The following CNTLN variants were observed in gnomAD, a reference collection of about 807,000 sequenced individuals.
CNTLN encodes centlein.
Under a neutral mutation model 180.0 loss-of-function variants are expected in CNTLN, and 212 were observed. The observed-to-expected ratio is 1.18, with a 90% CI of 1.05 to 1.32. The LOEUF is 1.32. Ranked by LOEUF, CNTLN falls within the 40% of genes most tolerant of loss-of-function variation. The pLI, the probability that CNTLN is intolerant of heterozygous loss-of-function variation, is 0.00. For missense variants in CNTLN, 2,095 were observed against 1,610.9 expected (o/e 1.30, Z -5.14); for synonymous variants, 722 against 563.1 (o/e 1.28, Z -3.99).
intron 23 of CNTLN, among the ~76,000 whole-genome samples, chr9:17,472,465 C>T (rs1832086742): frequency 6.6e-6 from 1 of 152,154 alleles, no homozygotes; most frequent in African/African-American, 2.4e-5. Flanking sequence ...TCCATGTAAG[C>T]CATCCAATCC....
intron 23 of CNTLN, among the ~76,000 whole-genome samples, chr9:17,481,807 AACCAGTGGCCCC>A (rs1183815964): frequency 6.6e-6 from 1 of 152,176 alleles, no homozygotes; most frequent in East Asian, 1.9e-4. Context: ...TGCAGAGCCC[AACCAGTGGCCCC>A]ACCTGACCTT....
chr9:17,401,897 C>A (rs527584534), intron 15 of CNTLN, among the ~76,000 whole-genome samples: 11 of 132,934 alleles, frequency 8.3e-5, no homozygotes, highest in Non-Finnish European at 3.3e-5. Context: ...AAGGTATTTA[C>A]AACACATAAA....
chr9:17,322,608 T>G (rs1333275512), intron 8 of CNTLN, among the ~76,000 whole-genome samples: 1 of 151,862 alleles, frequency 6.6e-6, no homozygotes, highest in Non-Finnish European at 1.5e-5. Context: ...TTAAGAATGT[T>G]TAGTGATTTT....
chr9:17,361,094 G>A (rs1048042927), intron 12 of CNTLN, among the ~76,000 whole-genome samples: 10 of 151,732 alleles, frequency 6.6e-5, no homozygotes, highest in Admixed American at 2.0e-4. Context: ...AAGTTTTAGG[G>A]TACATGTGCA....
chr9:17,379,656 G>C (rs1213233053), intron 13 of CNTLN, among the ~76,000 whole-genome samples: 3 of 151,932 alleles, frequency 2.0e-5, no homozygotes, highest in Non-Finnish European at 4.4e-5. Context: ...CATATAGAAG[G>C]GAAAATCTGC....
intron 19 of CNTLN, among the ~76,000 whole-genome samples, chr9:17,461,101 G>A (rs1371033896): frequency 6.6e-6 from 1 of 151,290 alleles, no homozygotes; most frequent in Non-Finnish European, 1.5e-5. Context: ...AGTCCCTAAA[G>A]CCATCACTAT....
chr9:17,169,593 G>T (rs113043206), intron 2 of CNTLN, among the ~76,000 whole-genome samples: 314 of 151,828 alleles, frequency 2.1e-3, no homozygotes, highest in African/African-American at 7.2e-3. Context: ...ATAAGATAAG[G>T]GTCCAATTTT....
intron 14 of CNTLN, among the ~76,000 whole-genome samples, chr9:17,390,957 C>G (rs572145705): frequency 2.0e-5 from 3 of 152,122 alleles, no homozygotes; most frequent in Non-Finnish European, 4.4e-5. Context: ...CATCTTTCCT[C>G]ACCTATCATA....
chr9:17,226,226 A>T lies in CNTLN; in HGVS notation c.473A>T (p.Lys158Ile), dbSNP rs765461327. 1 of 1,579,834 alleles carries T rather than the reference A, an allele frequency of 6.3e-7. No homozygotes were observed. Among genetic ancestry groups the T allele is most frequent in the Admixed American group, 1.8e-5 (1 of 56,002 alleles). ...AGAGAAAAACAGAAATCTGAAGCTA[A>T]AGACAGAAAAGTTCTAGAAATTCTG... is the stretch of plus-strand genomic sequence containing the variant. Reference protein sequence around the residue: ...VEREKQKSEAKDRKVLEILQV... With the variant: ...VEREKQKSEAIDRKVLEILQV... The change falls in exon 3 of 26, where the codon AAA becomes ATA. Residue 158 changes from lysine to isoleucine, a missense_variant. Lys to Ile is a moderately radical substitution (Grantham distance 102). Transcript: ENST00000380647.
intron 3 of CNTLN, among the ~76,000 whole-genome samples, chr9:17,234,816 T>C (rs1393173083): frequency 6.6e-6 from 1 of 152,168 alleles, no homozygotes; most frequent in Non-Finnish European, 1.5e-5. Context: ...GTTGAAAGAA[T>C]GGATGGATTG....
At chr9:17,372,027 A>G (rs1564040726) in intron 13 of CNTLN, among the ~76,000 whole-genome samples, 1 of 152,170 alleles carries the variant, frequency 6.6e-6, no homozygotes. Context: ...AAAATTTCAA[A>G]TAACTTAACG....
chr9:17,477,913 A>G (rs1183020415), intron 23 of CNTLN, among the ~76,000 whole-genome samples: 1 of 152,226 alleles, frequency 6.6e-6, no homozygotes, highest in Non-Finnish European at 1.5e-5. Context: ...GAACAGCATC[A>G]CATGCTATAG....
the CNTLN span, among the ~76,000 whole-genome samples, chr9:17,519,809 T>C: frequency 6.6e-6 from 1 of 152,252 alleles, no homozygotes. Flanking sequence ...ACAAGAAGTC[T>C]GCTAGCCAAT....
chr9:17,410,678 A>AT (rs2133850627), intron 16 of CNTLN, among the ~76,000 whole-genome samples: 1 of 151,414 alleles, frequency 6.6e-6, no homozygotes, highest in Admixed American at 6.6e-5. Context: ...GATTTCCTAT[A>AT]TTTTTCTGTT....
intron 18 of CNTLN, among the ~76,000 whole-genome samples, chr9:17,428,263 A>T (rs1286166767): frequency 6.6e-6 from 1 of 152,072 alleles, no homozygotes; most frequent in Non-Finnish European, 1.5e-5. Flanking sequence ...GATAATAAAT[A>T]TTAATGGGGA....
intron 8 of CNTLN, among the ~76,000 whole-genome samples, chr9:17,321,903 T>C (rs1819940085): frequency 6.6e-6 from 1 of 152,180 alleles, no homozygotes; most frequent in Non-Finnish European, 1.5e-5. Flanking sequence ...TATCTTACTG[T>C]ACAGGATCAA....
chr9:17,290,888 A>G (rs1331413848), intron 6 of CNTLN, among the ~76,000 whole-genome samples: 3 of 152,158 alleles, frequency 2.0e-5, no homozygotes, highest in Non-Finnish European at 1.5e-5. Flanking sequence ...GCGTGCACCC[A>G]CTGGCCTGCG....
At chr9:17,175,127 C>T (rs948252020) in intron 2 of CNTLN, among the ~76,000 whole-genome samples, 5 of 152,200 alleles carry the variant, frequency 3.3e-5, no homozygotes, top group African/African-American at 1.2e-4. Context: ...TTTTGTAGAA[C>T]AAAATTTAAA....
chr9:17,169,976 T>C (rs1190523517), intron 2 of CNTLN, among the ~76,000 whole-genome samples: 1 of 152,158 alleles, frequency 6.6e-6, no homozygotes, highest in East Asian at 1.9e-4. Context: ...AATCTGTAGA[T>C]TGTTTTGGGT....
Sources: allele counts gnomAD v4.1 joint callset (sites outside exome capture counted in the v4.1 genomes callset), GRCh38; gene constraint gnomAD v4.1.1; transcripts MANE v1.5; gene names NCBI Gene and HGNC (gene_info 2026-07-23, HGNC 2026-07-21).